TTN: variants seen among roughly 807,000 people sequenced by gnomAD.
TTN encodes titin.
Under a neutral mutation model 3,223.0 loss-of-function variants are expected in TTN, and 1,525 were observed. That is an observed-to-expected ratio of 0.47 (90% CI 0.45 to 0.49). The LOEUF is 0.49. TTN is among the 20% of genes least tolerant of loss of function. The probability of loss-of-function intolerance (pLI) is 0.00; values close to 1 mark genes in which losing one functional copy is unlikely to be tolerated. For synonymous variants in TTN, 14,094 were observed against 15,161.0 expected (o/e 0.93, Z 5.17); for missense variants, 40,786 against 43,424.0 (o/e 0.94, Z 5.40).
In TTN at chr2:178,582,026, A is replaced by G. The variant is rs2047894634; in HGVS notation, c.66343T>C (p.Leu22115=). The G allele has an allele frequency of 6.2e-7, 1 of 1,613,078 alleles. No homozygotes were observed. The highest frequency in any genetic ancestry group is 1.1e-5 in the South Asian group (1 of 91,070). ...VNRKPIIERT[L]KATGLQEGTE... ...CCTTCTTGAAGACCTGTTGCTTTTA[A>G]TGTTCTTTCTATAATAGGTTTTCTG... Residue 22115 remains leucine (L), a synonymous_variant, in exon 315 of 363, where the codon TTA becomes CTA. Transcript: ENST00000589042.
Position 178,697,140 on chromosome 2 carries a change from A to T in TTN, c.30783T>A (p.Thr10261=). 1 of 1,553,894 alleles carries T rather than the reference A, an allele frequency of 6.4e-7. No individual in the cohort carries two copies. Among genetic ancestry groups the T allele is most frequent in the Non-Finnish European group, 8.7e-7 (1 of 1,148,662 alleles). ...EEIVKKPPPP[T]TLIPAKAPEI... ...ATTTACCTTTTGCTGGAATTAAGGT[A>T]GTAGGAGGTGGAGGCTTCTTGACAA... The change falls in exon 113 of 363, where the codon ACT becomes ACA. Residue 10261 remains threonine, a synonymous_variant. Transcript: ENST00000589042.
chr2:178,686,442 A>G (rs1157463785), intron 127 of TTN, among the ~76,000 whole-genome samples: 1 of 151,744 alleles, frequency 6.6e-6, no homozygotes, highest in Non-Finnish European at 1.5e-5. Context: ...TTTTAAGACA[A>G]TGTCTTGCTT....
In TTN at chr2:178,725,355, C is replaced by T; in HGVS notation, c.20836+13G>A. 6.7e-7 allele frequency: 1 copy of T among 1,495,212 alleles called. No individual in the cohort carries two copies. The highest frequency in any genetic ancestry group is 8.9e-7 in the Non-Finnish European group (1 of 1,120,284). 92.6% of individuals were successfully genotyped at this position (1,495,212 alleles called of 1,614,324 possible). A position where few individuals can be genotyped will look rare whatever the true frequency, so the allele number is the denominator to read the frequency against. ...ATTTGGCACCAGTTTCTATCGTGGG[C>T]TATTGTACCAACCTAAGACCATCAG... On this transcript the variant is annotated intron_variant, in intron 71 of 362. Transcript: ENST00000589042.
intron 22 of TTN, among the ~76,000 whole-genome samples, chr2:178,779,669 G>T (rs1338811008): frequency 2.6e-5 from 4 of 152,192 alleles, no homozygotes; most frequent in African/African-American, 9.7e-5. Flanking sequence ...TCCAAAAGCA[G>T]GAGTTAGATT....
In TTN at chr2:178,539,153, T is replaced by C. The variant is rs1490449415; in HGVS notation, c.98782A>G (p.Arg32928Gly). The C allele has an allele frequency of 1.9e-6, 3 of 1,613,690 alleles. No homozygotes were observed. The Admixed American group carries it at 5.0e-5, about 27-fold the overall frequency. ...WSRPKDDGGS[R>G]VTGYYIERKE... ...CGTTCGATGTAGTAGCCTGTGACTCTAGAACCACCATCATCTTTGGGCCGG... is the reference window on the plus strand; with the variant it reads ...CGTTCGATGTAGTAGCCTGTGACTCCAGAACCACCATCATCTTTGGGCCGG... Residue 32928 changes from arginine to glycine, a missense_variant, in exon 353 of 363, where the codon AGA (arginine) becomes GGA (glycine). Coordinates refer to ENST00000589042, the MANE Select transcript of TTN (RefSeq NM_001267550.2).
Position 178,775,872 on chromosome 2 carries a change from G to C in TTN, c.5992C>G (p.Arg1998Gly). Reference protein sequence around the residue: ...EKVPEESEELRSKFKRRTEEG... With the variant: ...EKVPEESEELGSKFKRRTEEG... ...TCTGTTCTGCGCTTGAATTTACTGC[G>C]CAGCTCTTCCGACTCTTCAGGCACT... Residue 1998 changes from arginine to glycine, a missense_variant, in exon 28 of 363, where the codon CGC becomes GGC. Transcript: ENST00000589042. 1 of 1,614,082 alleles carries C rather than the reference G, an allele frequency of 6.2e-7. No homozygotes were observed. The highest frequency in any genetic ancestry group is 1.7e-5 in the Admixed American group (1 of 60,004).
At chr2:178,620,652 A>C (rs1300784796) in intron 247 of TTN, 27 bp from the exon 248 acceptor site, 5 of 1,600,834 alleles carry the variant, frequency 3.1e-6, no homozygotes, top group Non-Finnish European at 4.3e-6. Context: ...AAATATGTTG[A>C]TTTTAATTAT....
intron 127 of TTN, 23 bp from the exon 128 acceptor site, chr2:178,685,621 G>T (rs746467522): frequency 6.9e-6 from 11 of 1,604,654 alleles, no homozygotes; most frequent in Non-Finnish European, 8.5e-6. Context: ...CAGTTTTAAA[G>T]AAGATAAATT....
chr2:178,543,909 C>G lies in TTN; in HGVS notation c.96235G>C (p.Asp32079His), dbSNP rs200540781. The stretch of plus-strand genomic sequence containing the variant: ...GCTTCAATTGTGTATTTTCCAGCAT[C>G]GTACCGATTAACTTTGTCCACTATT... ...LLIVDKVNRY[D>H]AGKYTIEAEN... Residue 32079 changes from aspartate to histidine, a missense_variant, in exon 346 of 363, where the codon GAT (aspartate) becomes CAT (histidine). Coordinates refer to ENST00000589042, the MANE Select transcript of TTN (RefSeq NM_001267550.2). 5.9e-5 allele frequency: 95 copies of G among 1,613,628 alleles called. 1 individual carries two copies. The highest frequency in any genetic ancestry group is 3.4e-4 in the South Asian group (31 of 91,072).
chr2:178,755,002 C>A (rs1169250498), intron 46 of TTN, among the ~76,000 whole-genome samples: 1 of 152,126 alleles, frequency 6.6e-6, no homozygotes, highest in East Asian at 1.9e-4. Flanking sequence ...CCCTTTTCAT[C>A]CCTAACACCA....
intron 110 of TTN, among the ~76,000 whole-genome samples, 160 bp from the exon 111 acceptor site, chr2:178,701,363 A>G (rs751832382): frequency 2.2e-4 from 34 of 151,424 alleles, no homozygotes; most frequent in Non-Finnish European, 4.7e-4. Context: ...AACTGGAACT[A>G]CTTTTTTTTT....
At chr2:178,679,830 C>T in intron 140 of TTN, 64 bp downstream of exon 140, 1 of 1,593,446 alleles carries the variant, frequency 6.3e-7, no homozygotes, top group Non-Finnish European at 8.5e-7. Flanking sequence ...CAGAATCTGA[C>T]CAAATCAGAC....
At chr2:178,799,356 A>C in intron 6 of TTN, 131 bp downstream of exon 6, 1 of 1,411,126 alleles carries the variant, frequency 7.1e-7, no homozygotes, top group Non-Finnish European at 9.7e-7. Flanking sequence ...TAGAGGTTTG[A>C]GCAGCGGGAC....
At position 178,532,786 on chromosome 2, in the gene TTN, C is replaced by A. The variant is rs550047610; in HGVS notation, c.103829G>T (p.Arg34610Leu). ...WEQFYVMPLPRITDQYRPKWR... is the reference protein window; with the variant it reads ...WEQFYVMPLPLITDQYRPKWR... ...TTTAGGTCTGTATTGATCTGTAATG[C>A]GTGGAAGAGGCATCACATAGAACTG... The change falls in exon 358 of 363, where the codon CGC becomes CTC. Residue 34610 changes from arginine (R) to leucine (L), a missense_variant. Arg to Leu is a moderately radical substitution (Grantham distance 102). Transcript: ENST00000589042. 6.2e-7 allele frequency: 1 copy of A among 1,613,760 alleles called. No homozygotes were observed. The highest frequency in any genetic ancestry group is 8.5e-7 in the Non-Finnish European group (1 of 1,179,850).
rs776633672 is a variant in TTN, at chr2:178,575,873, G to A, written c.70259C>T (p.Pro23420Leu). The A allele has an allele frequency of 1.2e-5, 19 of 1,613,364 alleles. No individual in the cohort carries two copies. The Admixed American group carries it at 1.8e-4, about 16-fold the overall frequency. The change falls in exon 326 of 363, where the codon CCG (proline) becomes CTG (leucine). Residue 23420 changes from proline (P) to leucine (L), a missense_variant. By Grantham distance (98) the Pro-to-Leu change is moderately conservative (BLOSUM62 -3). Transcript: ENST00000589042. The surrounding 1 kb of genome is among the most constrained non-coding windows in gnomAD (Gnocchi z 4.0). Reference protein sequence around the residue: ...TGKFVMTIENPAGKKSGFVNV... With the variant: ...TGKFVMTIENLAGKKSGFVNV... ...CACAAAGCCACTTTTCTTCCCAGCC[G>A]GGTTTTCAATGGTCATGACAAATTT...
At chr2:178,783,869 A>T (rs1271343681) in intron 16 of TTN, 84 bp from the exon 17 acceptor site, 2 of 1,012,834 alleles carry the variant, frequency 2.0e-6, no homozygotes, top group Non-Finnish European at 2.7e-6. Context: ...ACATTATATA[A>T]TTATAAAAAT....
rs1177729182 is a variant in TTN at position 178,608,314 on chromosome 2, A to T, written c.52569T>A (p.Leu17523=). 6.2e-7 allele frequency: 1 copy of T among 1,612,310 alleles called. No homozygotes were observed. Among genetic ancestry groups the T allele is most frequent in the African/African-American group, 1.3e-5 (1 of 74,810 alleles). The change falls in exon 275 of 363, where the codon CTT becomes CTA. Residue 17523 remains leucine, a synonymous_variant. Transcript: ENST00000589042. ...CTACATTGGCTTTCAAGGCATTCAG[A>T]AGGCTTTTGTTGACACGAGACCAAT... ...STHWSRVNKS[L]LNALKANVDG... is the part of the protein sequence containing the mutation.
chr2:178,746,672 G>T, intron 47 of TTN: 1 of 1,613,202 alleles, frequency 6.2e-7, no homozygotes, highest in Non-Finnish European at 8.5e-7. Flanking sequence ...TTGAATGTTA[G>T]AAATTTCCAG....
intron 341 of TTN, 21 bp from the exon 342 acceptor site, chr2:178,546,523 T>C: frequency 6.2e-7 from 1 of 1,602,394 alleles, no homozygotes; most frequent in South Asian, 1.1e-5. Flanking sequence ...GCAAAACAGA[T>C]ATGAATGAAT....
Sources: gnomAD v4.1 joint callset for allele counts (sites outside exome capture counted in the v4.1 genomes callset) on GRCh38, gnomAD v4.1.1 for gene constraint, Gnocchi (gnomAD v3.1) non-coding constraint, MANE v1.5 for transcripts, NCBI Gene and HGNC (gene_info 2026-07-23, HGNC 2026-07-21) for gene names.